The following ZNF584 variants were observed in gnomAD, a reference collection of about 807,000 sequenced individuals.
ZNF584 encodes the protein zinc finger protein 584.
ZNF584 carries 12 observed loss-of-function variants against 14.7 expected under a neutral mutation model. The ratio of observed to expected loss-of-function variants is 0.82; its 90% confidence interval spans 0.52 to 1.32. The LOEUF (loss-of-function observed/expected upper bound fraction) is 1.32. ZNF584 is among the 40% of genes most tolerant of loss of function. The pLI, the probability that ZNF584 is intolerant of heterozygous loss-of-function variation, is 0.00. For synonymous variants in ZNF584, 204 were observed against 190.9 expected, an observed-to-expected ratio of 1.07 and a Z score of -0.57; for missense variants, 478 against 518.8, an observed-to-expected ratio of 0.92 and a Z score of 0.76.
Position 58,410,074 on chromosome 19 carries a change from C to T in ZNF584, c.152C>T (p.Ala51Val). ...CGGGATGTGATGCTGGAGAACTTTG[C>T]ACTCGTTAGCTCACTGGGTAAGTCT... ...LYRDVMLENF[A>V]LVSSLGLAPS... The change falls in exon 2 of 4, where the codon GCA becomes GTA. Residue 51 changes from alanine to valine, a missense_variant. Physicochemically the swap from Ala to Val is moderately conservative, Grantham distance 64. Coordinates refer to ENST00000306910, the MANE Select transcript of ZNF584 (RefSeq NM_173548.3). The T allele has an allele frequency of 6.2e-7, 1 of 1,611,686 alleles. No individual in the cohort carries two copies. Among genetic ancestry groups the T allele is most frequent in the Non-Finnish European group, 8.5e-7 (1 of 1,178,824 alleles).
intron 2 of ZNF584, 30 bp from the exon 3 acceptor site, chr19:58,415,494 C>G (rs1473365639): frequency 5.6e-6 from 9 of 1,600,244 alleles, no homozygotes; most frequent in Middle Eastern, 1.7e-4. Flanking sequence ...CCATGCCCAG[C>G]CTGTTTCTTT....
At chr19:58,402,164 G>A (rs2052435847) in intron 1 of ZNF584, among the ~76,000 whole-genome samples, 1 of 152,198 alleles carries the variant, frequency 6.6e-6, no homozygotes, top group South Asian at 2.1e-4. Flanking sequence ...CCCACTTGCA[G>A]ACCTGGTTAG....
chr19:58,403,091 A>G (rs1050308722), intron 1 of ZNF584, among the ~76,000 whole-genome samples: 1 of 152,238 alleles, frequency 6.6e-6, no homozygotes, highest in African/African-American at 2.4e-5. Flanking sequence ...AAAATGGTAT[A>G]GCCACTTTGG....
chr19:58,417,411 A>T lies in ZNF584; in HGVS notation c.893A>T (p.Tyr298Phe). 6.2e-7 allele frequency: 1 copy of T among 1,603,714 alleles called. No homozygotes were observed. Among genetic ancestry groups the T allele is most frequent in the Non-Finnish European group, 8.5e-7 (1 of 1,171,426 alleles). ...AAAGTGCACATTGGAGAAAGGCCCT[A>T]TGAGTGTACAGAATGTGGGAAGTTC... ...HRKVHIGERP[Y>F]ECTECGKFFK... is the part of the protein sequence containing the mutation. The change falls in exon 4 of 4, where the codon TAT becomes TTT. Residue 298 changes from tyrosine to phenylalanine, a missense_variant. Around this residue, in one of 3 missense-constraint regions of ZNF584, gnomAD observed 283 missense variants for 317.3 expected, o/e 0.89. Coordinates refer to ENST00000306910, the MANE Select transcript of ZNF584 (RefSeq NM_173548.3).
intron 1 of ZNF584, among the ~76,000 whole-genome samples, chr19:58,402,782 C>A (rs1040150146): frequency 5.7e-5 from 8 of 141,082 alleles, no homozygotes; most frequent in African/African-American, 1.9e-4. Flanking sequence ...CGAGATTGCA[C>A]CATTGCACTC....
intron 3 of ZNF584, chr19:58,416,051 C>A: frequency 7.4e-7 from 1 of 1,344,490 alleles, no homozygotes; most frequent in Non-Finnish European, 1.0e-6. Flanking sequence ...TGGCTGTCAC[C>A]AGCAGCCAAG....
Position 58,416,860 on chromosome 19 carries a change from G to A in ZNF584, c.342G>A (p.Lys114=). Residue 114 remains lysine, a synonymous_variant, in exon 4 of 4, where the codon AAG becomes AAA. Coordinates refer to ENST00000306910, the MANE Select transcript of ZNF584 (RefSeq NM_173548.3). The part of the protein sequence containing the change: ...EDERAHPEHL[K]SYRVIQHQDT... ...AGAGAGCCCATCCTGAGCATCTAAAGAGCTACAGAGTCATCCAGCACCAGG... is the reference window on the plus strand; with the variant it reads ...AGAGAGCCCATCCTGAGCATCTAAAAAGCTACAGAGTCATCCAGCACCAGG... The A allele has an allele frequency of 1.3e-6, 2 of 1,590,294 alleles. No homozygotes were observed. The highest frequency in any genetic ancestry group is 1.7e-6 in the Non-Finnish European group (2 of 1,169,362).
At position 58,410,539 on chromosome 19, in the gene ZNF584, AT is replaced by A. The variant is rs2052535487; in HGVS notation, c.169+449del. Reference sequence around the variant, plus strand: ...GGGAAATATATATATATATATATATATATATATATATATATATATGTGTATA... The same window carrying A: ...GGGAAATATATATATATATATATATAATATATATATATATATATGTGTATA... On this transcript the variant is annotated intron_variant, in intron 2 of 3. Coordinates refer to ENST00000306910, the MANE Select transcript of ZNF584 (RefSeq NM_173548.3). Among the ~76,000 whole-genome samples, 158 of 38,562 alleles carry A rather than the reference AT, an allele frequency of 4.1e-3. 1 individual carries two copies. The highest frequency in any genetic ancestry group is 5.0e-3 in the South Asian group (7 of 1,394). 25.3% of individuals were successfully genotyped at this position (38,562 alleles called of 152,430 possible).
Position 58,417,758 on chromosome 19 carries a change from G to A in ZNF584, c.1240G>A (p.Ala414Thr), listed in dbSNP as rs935193515. The A allele has an allele frequency of 4.3e-6, 7 of 1,611,364 alleles. No homozygotes were observed. The Admixed American group carries it at 5.0e-5, about 12-fold the overall frequency. ...HTPERRQEDRAHGKVVSC is the reference protein window; with the variant it reads ...HTPERRQEDRTHGKVVSC The stretch of plus-strand genomic sequence containing the variant: ...TCCAGAAAGGCGTCAGGAGGACAGG[G>A]CACATGGGAAGGTCGTTAGCTGCTA... Residue 414 changes from alanine (A) to threonine (T), a missense_variant, in exon 4 of 4, where the codon GCA (alanine) becomes ACA (threonine). Coordinates refer to ENST00000306910, the MANE Select transcript of ZNF584 (RefSeq NM_173548.3).
Position 58,415,595 on chromosome 19 carries a change from G to A in ZNF584, c.241G>A (p.Val81Met). Residue 81 changes from valine (V) to methionine (M), a missense_variant, in exon 3 of 4, where the codon GTG (valine) becomes ATG (methionine). Coordinates refer to ENST00000306910, the MANE Select transcript of ZNF584 (RefSeq NM_173548.3). ...TGAACAGTCGTGGGTGCCCAGCTGG[G>A]TGGATGTGACTCCAGTCAGCAGAGC... Reference protein sequence around the residue: ...DDEQSWVPSWVDVTPVSRAEA... With the variant: ...DDEQSWVPSWMDVTPVSRAEA... 6.2e-7 allele frequency: 1 copy of A among 1,614,194 alleles called. No individual in the cohort carries two copies. The highest frequency in any genetic ancestry group is 8.5e-7 in the Non-Finnish European group (1 of 1,180,024).
chr19:58,404,734 C>T (rs1276345863), upstream of ZNF584: 1 of 221,204 alleles, frequency 4.5e-6, no homozygotes, highest in Non-Finnish European at 9.1e-6. Flanking sequence ...GGCCCGTTCT[C>T]AACGAGCTGT....
rs1340373210 is a variant in ZNF584 at position 58,410,557 on chromosome 19, A to ATATATATATATATATG, written c.169+467_169+468insATATATATATATATGT. On this transcript the variant is annotated intron_variant, in intron 2 of 3. Transcript: ENST00000306910. ...TATATATATATATATATATATATATATGTGTATATATATATGTATATATAT... is the reference window on the plus strand; with the variant it reads ...TATATATATATATATATATATATATATATATATATATATATGTGTGTATATATATATGTATATATAT... Among the ~76,000 whole-genome samples the ATATATATATATATATG allele has an allele frequency of 3.8e-4, 10 of 26,002 alleles. 1 individual carries two copies. The highest frequency in any genetic ancestry group is 3.0e-3 in the Admixed American group (8 of 2,666). 17.1% of individuals were successfully genotyped at this position (26,002 alleles called of 152,430 possible).
chr19:58,412,094 G>A (rs982948931), intron 2 of ZNF584, among the ~76,000 whole-genome samples: 1 of 146,264 alleles, frequency 6.8e-6, no homozygotes, highest in Non-Finnish European at 1.5e-5. Flanking sequence ...TGATTCTCCT[G>A]CCCCCGCCTC....
chr19:58,402,846 AAAAG>A (rs2052440663), intron 1 of ZNF584, among the ~76,000 whole-genome samples: 1 of 151,656 alleles, frequency 6.6e-6, no homozygotes, highest in Non-Finnish European at 1.5e-5. Flanking sequence ...AAAAAAAAAA[AAAAG>A]GCCGTAGGTC....
Position 58,418,212 on chromosome 19 carries a change from A to G in ZNF584, c.*428A>G, listed in dbSNP as rs1431869221. On this transcript the variant is annotated 3_prime_UTR_variant, in exon 4 of 4. Transcript: ENST00000306910. ...TGGGGGCTTCCTGGGAAGGTTTACC[A>G]TTTTCATGGAAATGGTTGACATTAC... The G allele has an allele frequency of 4.9e-6, 1 of 203,820 alleles. No individual in the cohort carries two copies. The highest frequency in any genetic ancestry group is 1.0e-5 in the Non-Finnish European group (1 of 99,720). The allele number at this position is 203,820 out of a possible 1,614,324, so 12.6% of individuals were successfully genotyped here. A position where few individuals can be genotyped will look rare whatever the true frequency, so the allele number is the denominator to read the frequency against.
chr19:58,415,905 G>A, intron 3 of ZNF584: 4 of 1,599,054 alleles, frequency 2.5e-6, no homozygotes, highest in Non-Finnish European at 3.4e-6. Context: ...TGGCGACTCA[G>A]TGCGTGTCTT....
chr19:58,416,880 A>G lies in ZNF584; in HGVS notation c.362A>G (p.His121Arg), dbSNP rs1193499313. ...CTAAAGAGCTACAGAGTCATCCAGC[A>G]CCAGGACACTCATAGTGAGGGGAAA... is the stretch of plus-strand genomic sequence containing the variant. ...EHLKSYRVIQ[H>R]QDTHSEGKPR... is the part of the protein sequence containing the mutation. Residue 121 changes from histidine (H) to arginine (R), a missense_variant, in exon 4 of 4, where the codon CAC (histidine) becomes CGC (arginine). By Grantham distance (29) the His-to-Arg change is conservative. Coordinates refer to ENST00000306910, the MANE Select transcript of ZNF584 (RefSeq NM_173548.3). 1.2e-6 allele frequency: 2 copies of G among 1,608,176 alleles called. No homozygotes were observed. The highest frequency in any genetic ancestry group is 4.5e-5 in the East Asian group (2 of 44,876).
chr19:58,410,765 A>T (rs866632937), intron 2 of ZNF584, among the ~76,000 whole-genome samples: 1 of 32,162 alleles, frequency 3.1e-5, no homozygotes, highest in Admixed American at 3.3e-4. Context: ...ATATATATGT[A>T]TATATATATA....
In ZNF584 at chr19:58,417,960, C is replaced by T; in HGVS notation, c.*176C>T. On this transcript the variant is annotated 3_prime_UTR_variant, in exon 4 of 4. Transcript: ENST00000306910. ...GGAGCCACATTGCACTCTGACTTGC[C>T]TGGGGCTGTTGGCAGTGTCACATCA... 2 of 735,288 alleles carry T rather than the reference C, an allele frequency of 2.7e-6. No individual in the cohort carries two copies. Among genetic ancestry groups the T allele is most frequent in the Admixed American group, 3.0e-5 (1 of 33,756 alleles). The allele number at this position is 735,288 out of a possible 1,614,324, so 45.5% of individuals were successfully genotyped here. A position where few individuals can be genotyped will look rare whatever the true frequency, so the allele number is the denominator to read the frequency against.
Sources: allele counts gnomAD v4.1 joint callset (sites outside exome capture counted in the v4.1 genomes callset), GRCh38; gene constraint gnomAD v4.1.1; regional missense constraint gnomAD v4.1.1; transcripts MANE v1.5; gene names NCBI Gene and HGNC (gene_info 2026-07-23, HGNC 2026-07-21).